The following TBC1D8B variants were observed in gnomAD, a reference collection of about 807,000 sequenced individuals.
TBC1D8B encodes TBC1 domain family member 8B, also known as RP11-321G1.1.
Under a neutral mutation model 82.9 loss-of-function variants are expected in TBC1D8B, and 75 were observed. The observed-to-expected ratio is 0.90, with a 90% confidence interval of 0.75 to 1.10. TBC1D8B has a LOEUF of 1.10. Among genes scored for constraint, TBC1D8B ranks in the 50% least tolerant of loss-of-function variants. The pLI, the probability that TBC1D8B is intolerant of heterozygous loss-of-function variation, is 0.00. For missense variants in TBC1D8B, 794 were observed against 796.9 expected (o/e 1.00, Z 0.04); for synonymous variants, 276 against 276.8 (o/e 1.00, Z 0.03).
At chrX:106,806,008 T>G (rs1931176555) in intron 1 of TBC1D8B, among the ~76,000 whole-genome samples, 1 of 112,807 alleles carries the variant, frequency 8.9e-6, no homozygotes, top group African/African-American at 3.2e-5. Flanking sequence ...TTTCATTTCT[T>G]TGCCATATGA....
chrX:106,852,533 G>A (rs1333331727), intron 12 of TBC1D8B, among the ~76,000 whole-genome samples: 2 of 111,652 alleles, frequency 1.8e-5, no homozygotes, highest in Non-Finnish European at 3.8e-5. Flanking sequence ...TTCTTCTAGG[G>A]TTTTTATGGT....
At chrX:106,838,036 T>C (rs760005321) in intron 7 of TBC1D8B, among the ~76,000 whole-genome samples, 1 of 112,012 alleles carries the variant, frequency 8.9e-6, no homozygotes, top group African/African-American at 3.2e-5. Context: ...TAATGTTGTT[T>C]TAATTTGCAA....
In TBC1D8B at chrX:106,839,297, T is replaced by G. The variant is rs749899540; in HGVS notation, c.1204-11T>G. 69 of 1,129,258 alleles carry G rather than the reference T, an allele frequency of 6.1e-5. No homozygotes were observed. The highest frequency in any genetic ancestry group is 8.0e-5 in the Non-Finnish European group (68 of 854,149). The allele number at this position is 1,129,258 out of a possible 1,213,427, so 93.1% of individuals were successfully genotyped here. A position where few individuals can be genotyped will look rare whatever the true frequency, so the allele number is the denominator to read the frequency against. Reference sequence around the variant, plus strand: ...CATGCATCTGGGACAACTACATTCTTTCTTTTTCAGCTTGCTATTAGTTCT... The same window carrying G: ...CATGCATCTGGGACAACTACATTCTGTCTTTTTCAGCTTGCTATTAGTTCT... On this transcript the variant is annotated splice_polypyrimidine_tract_variant and intron_variant, in intron 7 of 20. Transcript: ENST00000357242.
intron 17 of TBC1D8B, among the ~76,000 whole-genome samples, chrX:106,868,187 A>G (rs1458827029): frequency 9.1e-6 from 1 of 110,294 alleles, no homozygotes; most frequent in Non-Finnish European, 1.9e-5. Context: ...TCTTGTATTT[A>G]CTATATTTTA....
Position 106,850,255 on chromosome X carries a change from T to G in TBC1D8B, c.2068T>G (p.Leu690Val), listed in dbSNP as rs769061961. ...QLGLAILDYN[L>V]DKLLTCKDDA... ...GGGATTGGCAATACTTGACTATAAT[T>G]TAGACAAACTGCTGACTTGTAAAGA... The change falls in exon 12 of 21, where the codon TTA becomes GTA. Residue 690 changes from leucine to valine, a missense_variant. By Grantham distance (32) the Leu-to-Val change is conservative. Transcript: ENST00000357242. 2 of 1,210,928 alleles carry G rather than the reference T, an allele frequency of 1.7e-6. No homozygotes were observed. Among genetic ancestry groups the G allele is most frequent in the South Asian group, 3.5e-5 (2 of 56,705 alleles).
chrX:106,824,775 CT>C (rs1931791424), intron 5 of TBC1D8B, among the ~76,000 whole-genome samples: 1 of 111,422 alleles, frequency 9.0e-6, no homozygotes, highest in East Asian at 2.8e-4. Flanking sequence ...ATATCTACAT[CT>C]TTTTTTCTAG....
chrX:106,829,158 CAG>C (rs1176746873), intron 7 of TBC1D8B: 3 of 106,551 alleles, frequency 2.8e-5, no homozygotes, highest in African/African-American at 1.1e-4. Flanking sequence ...AACAGACAAA[CAG>C]AGAGCCAAAT....
chrX:106,873,521 T>C, intron 20 of TBC1D8B, 49 bp from the exon 21 acceptor site: 1 of 1,115,322 alleles, frequency 9.0e-7, no homozygotes, highest in Non-Finnish European at 1.2e-6. Context: ...CTCTTTATAT[T>C]TGCTAAGTCT....
rs747749424 is a variant in TBC1D8B, at chrX:106,851,813, G to A, written c.2123+1503G>A. 1.4e-4 allele frequency among the ~76,000 whole-genome samples: 16 copies of A among 111,756 alleles called. 1 individual carries two copies. In the South Asian group the frequency reaches 1.5e-3, roughly 11 times the overall value. On this transcript the variant is annotated intron_variant, in intron 12 of 20. Transcript: ENST00000357242. Reference sequence around the variant, plus strand: ...CCACATTTTCTTAATCCAGTCTATCGTTGTTGGACATTTGGGGTGGTTCCA... The same window carrying A: ...CCACATTTTCTTAATCCAGTCTATCATTGTTGGACATTTGGGGTGGTTCCA...
chrX:106,828,565 C>T (rs1931926667), intron 7 of TBC1D8B: 1 of 110,266 alleles, frequency 9.1e-6, no homozygotes, highest in Non-Finnish European at 1.9e-5. Flanking sequence ...AAGCCGAATC[C>T]AGCAGCACAT....
intron 7 of TBC1D8B, among the ~76,000 whole-genome samples, chrX:106,831,339 T>C (rs2147743177): frequency 9.0e-6 from 1 of 111,491 alleles, no homozygotes; most frequent in South Asian, 3.8e-4. Context: ...AATTTTTTTT[T>C]CCATCTCAAT....
chrX:106,803,054 T>G (rs1313419845), intron 1 of TBC1D8B, 71 bp downstream of exon 1: 13 of 1,067,173 alleles, frequency 1.2e-5, no homozygotes, highest in East Asian at 6.6e-5. Flanking sequence ...AGGACAACAG[T>G]TACTCGTCGC....
At position 106,827,357 on chromosome X, in the gene TBC1D8B, T is replaced by A. The variant is rs1299772759; in HGVS notation, c.1203+20T>A. On this transcript the variant is annotated intron_variant, in intron 7 of 20. Transcript: ENST00000357242. Reference sequence around the variant, plus strand: ...ACAGAGGTAATTAATTATACAGCAATCAAATCATTTGGAAAAAAAGGTGTG... The same window carrying A: ...ACAGAGGTAATTAATTATACAGCAAACAAATCATTTGGAAAAAAAGGTGTG... 5.8e-6 allele frequency: 7 copies of A among 1,203,321 alleles called. No individual in the cohort carries two copies. The highest frequency in any genetic ancestry group is 7.9e-6 in the Non-Finnish European group (7 of 890,406).
chrX:106,866,727 T>A, intron 16 of TBC1D8B, 70 bp from the exon 17 acceptor site: 1 of 801,483 alleles, frequency 1.2e-6, no homozygotes, highest in Middle Eastern at 4.0e-4. Flanking sequence ...TCTTAATTAA[T>A]CTTTGTTGCT....
chrX:106,822,125 G>A lies in TBC1D8B; in HGVS notation c.509G>A (p.Gly170Glu). The change falls in exon 4 of 21, where the codon GGA becomes GAA. Residue 170 changes from glycine to glutamate, a missense_variant. Coordinates refer to ENST00000357242, the MANE Select transcript of TBC1D8B (RefSeq NM_017752.3). ...VTYYSCSYWK[G>E]RVPCQGWLYL... ...TATTATTCATGCAGTTATTGGAAAG[G>A]ACGGGTTCCTTGTCAGGGTTGGCTT... The A allele has an allele frequency of 1.7e-6, 2 of 1,210,237 alleles. No individual in the cohort carries two copies. Among genetic ancestry groups the A allele is most frequent in the Non-Finnish European group, 2.2e-6 (2 of 894,780 alleles).
At chrX:106,861,061 AT>A (rs1188647977) in intron 14 of TBC1D8B, among the ~76,000 whole-genome samples, 1 of 111,760 alleles carries the variant, frequency 8.9e-6, no homozygotes, top group African/African-American at 3.3e-5. Flanking sequence ...ATTTATTTTC[AT>A]TTTTATTATG....
At chrX:106,846,188 C>A (rs1377523134) in intron 10 of TBC1D8B, among the ~76,000 whole-genome samples, 1 of 102,948 alleles carries the variant, frequency 9.7e-6, no homozygotes, top group Non-Finnish European at 2.0e-5. Context: ...GCAACCTCCA[C>A]CTCCCAGGTT....
intron 10 of TBC1D8B, among the ~76,000 whole-genome samples, chrX:106,845,117 T>C (rs1932406372): frequency 1.8e-5 from 2 of 110,964 alleles, no homozygotes; most frequent in South Asian, 7.6e-4. Flanking sequence ...ACTCTTGCTC[T>C]TGCACACTCT....
chrX:106,830,948 T>TAATAAATAAATAAATAAATA (rs769351110), intron 7 of TBC1D8B, among the ~76,000 whole-genome samples: 1 of 104,890 alleles, frequency 9.5e-6, no homozygotes, highest in African/African-American at 3.6e-5. Flanking sequence ...AGTATAATAA[T>TAATAAATAAATAAATAAATA]AATAAATAAA....
Sources: gnomAD v4.1 joint callset for allele counts (sites outside exome capture counted in the v4.1 genomes callset) on GRCh38, gnomAD v4.1.1 for gene constraint, MANE v1.5 for transcripts, NCBI Gene and HGNC (gene_info 2026-07-23, HGNC 2026-07-21) for gene names.